The following PGK2 variants were observed in gnomAD, a reference collection of about 807,000 sequenced individuals.
The protein encoded by PGK2 is epididymis secretory protein Li 272.
PGK2 carries 5 observed loss-of-function variants against 5.2 expected under a neutral mutation model. The ratio of observed to expected loss-of-function variants is 0.96; its 90% CI spans 0.50 to 2.01. The LOEUF is 2.01. Among genes scored for constraint, PGK2 ranks in the 30% most tolerant of loss-of-function variants. The probability of loss-of-function intolerance (pLI) is 0.01; values close to 1 mark genes in which losing one functional copy is unlikely to be tolerated. For synonymous variants in PGK2, 210 were observed against 182.6 expected (o/e 1.15, Z -1.21); for missense variants, 588 against 506.8 (o/e 1.16, Z -1.54).
Position 49,785,893 on chromosome 6 carries a change from G to A in PGK2, c.*41C>T. The A allele has an allele frequency of 6.6e-7, 1 of 1,523,402 alleles. No homozygotes were observed. Among genetic ancestry groups the A allele is most frequent in the South Asian group, 1.2e-5 (1 of 86,294 alleles). 94.4% of individuals were successfully genotyped at this position (1,523,402 alleles called of 1,614,324 possible). On this transcript the variant is annotated 3_prime_UTR_variant, in exon 1 of 1. Coordinates refer to ENST00000304801, the MANE Select transcript of PGK2 (RefSeq NM_138733.5). ...ATGTAAAAGCATTAAGCTGACTTAA[G>A]GGCCATGGACAGAAAACAGAAGGAA...
rs572935257 is a variant in PGK2 at position 49,786,884 on chromosome 6, C to T, written c.304G>A (p.Ala102Thr). ...DVLFLKDCVG[A>T]EVEKACANPA... ...TTGGCACAGGCTTTCTCCACTTCTG[C>T]GCCTACACAGTCCTTCAGGAACAGA... The change falls in exon 1 of 1, where the codon GCA becomes ACA. Residue 102 changes from alanine (A) to threonine (T), a missense_variant. Ala to Thr is a moderately conservative substitution (Grantham distance 58). Transcript: ENST00000304801. 5.1e-5 allele frequency: 83 copies of T among 1,614,048 alleles called. No homozygotes were observed. Among genetic ancestry groups the T allele is most frequent in the East Asian group, 2.5e-4 (11 of 44,862 alleles).
chr6:49,786,074 C>A lies in PGK2; in HGVS notation c.1114G>T (p.Gly372Trp), dbSNP rs761327233. The A allele has an allele frequency of 6.2e-7, 1 of 1,614,128 alleles. No homozygotes were observed. The highest frequency in any genetic ancestry group is 8.5e-7 in the Non-Finnish European group (1 of 1,179,980). Residue 372 changes from glycine (G) to tryptophan (W), a missense_variant, in exon 1 of 1, where the codon GGG becomes TGG. Coordinates refer to ENST00000304801, the MANE Select transcript of PGK2 (RefSeq NM_138733.5). ...ATSKGCITVI[G>W]GGDTATCCAK... The stretch of plus-strand genomic sequence containing the variant: ...CAGCAAGTAGCAGTGTCTCCACCCC[C>A]TATAACAGTGATGCAGCCCTTGGAA...
Position 49,786,965 on chromosome 6 carries a change from T to C in PGK2, c.223A>G (p.Lys75Glu). Residue 75 changes from lysine to glutamate, a missense_variant, in exon 1 of 1, where the codon AAA becomes GAA. Transcript: ENST00000304801. ...GRPDGVPMPDKYSLAPVAVEL... is the reference protein window; with the variant it reads ...GRPDGVPMPDEYSLAPVAVEL... ...ACAGCAACAGGTGCTAAGGAATATT[T>C]GTCAGGCATGGGAACACCATCAGGC... The C allele has an allele frequency of 1.2e-6, 2 of 1,614,110 alleles. No individual in the cohort carries two copies. The highest frequency in any genetic ancestry group is 1.1e-5 in the South Asian group (1 of 91,076).
At position 49,786,824 on chromosome 6, in the gene PGK2, G is replaced by A. The variant is rs1006173253; in HGVS notation, c.364C>T (p.Leu122=). The A allele has an allele frequency of 6.2e-7, 1 of 1,614,130 alleles. No individual in the cohort carries two copies. The change falls in exon 1 of 1, where the codon CTG becomes TTG. Residue 122 remains leucine, a synonymous_variant. Coordinates refer to ENST00000304801, the MANE Select transcript of PGK2 (RefSeq NM_138733.5). Reference sequence around the variant, plus strand: ...CCTTCTTCCTCCACATGAAAGCGCAGGTTCTCCAGCAGGATGACTGAACCA... The same window carrying A: ...CCTTCTTCCTCCACATGAAAGCGCAAGTTCTCCAGCAGGATGACTGAACCA... ...APGSVILLEN[L]RFHVEEEGKG... is the part of the protein sequence containing the mutation.
Position 49,785,911 on chromosome 6 carries a change from A to G in PGK2, c.*23T>C, listed in dbSNP as rs1769896301. The G allele has an allele frequency of 6.3e-7, 1 of 1,596,234 alleles. No individual in the cohort carries two copies. The highest frequency in any genetic ancestry group is 8.6e-7 in the Non-Finnish European group (1 of 1,166,810). The stretch of plus-strand genomic sequence containing the variant: ...GACTTAAGGGCCATGGACAGAAAAC[A>G]GAAGGAAGTAACACTATATTAACTA... On this transcript the variant is annotated 3_prime_UTR_variant, in exon 1 of 1. Coordinates refer to ENST00000304801, the MANE Select transcript of PGK2 (RefSeq NM_138733.5).
At position 49,786,329 on chromosome 6, in the gene PGK2, C is replaced by G; in HGVS notation, c.859G>C (p.Val287Leu). 1 of 1,614,144 alleles carries G rather than the reference C, an allele frequency of 6.2e-7. No homozygotes were observed. The change falls in exon 1 of 1, where the codon GTT becomes CTT. Residue 287 changes from valine (V) to leucine (L), a missense_variant. Physicochemically the swap from Val to Leu is conservative, Grantham distance 32. Coordinates refer to ENST00000304801, the MANE Select transcript of PGK2 (RefSeq NM_138733.5). Reference protein sequence around the residue: ...GVRITFPVDFVTGDKFDENAQ... With the variant: ...GVRITFPVDFLTGDKFDENAQ... ...TTCTCGTCAAACTTGTCCCCAGTAACAAAATCAACAGGAAAAGTAATCCTT... is the reference window on the plus strand; with the variant it reads ...TTCTCGTCAAACTTGTCCCCAGTAAGAAAATCAACAGGAAAAGTAATCCTT...
At position 49,786,154 on chromosome 6, in the gene PGK2, C is replaced by T. The variant is rs1339849998; in HGVS notation, c.1034G>A (p.Trp345Ter). The T allele has an allele frequency of 3.7e-6, 6 of 1,613,908 alleles. No individual in the cohort carries two copies. The highest frequency in any genetic ancestry group is 5.1e-6 in the Non-Finnish European group (6 of 1,180,000). ...VWNGPLGVFE[W>*]DAFAKGTKAL... ...TTTGGTTCCCTTAGCAAAGGCATCCCATTCAAATACTCCTAACGGCCCATT... is the reference window on the plus strand; with the variant it reads ...TTTGGTTCCCTTAGCAAAGGCATCCTATTCAAATACTCCTAACGGCCCATT... Residue 345 changes from tryptophan (W) to a stop codon, truncating the protein, a stop_gained, in exon 1 of 1, where the codon TGG (tryptophan) becomes TAG (stop). Coordinates refer to ENST00000304801, the MANE Select transcript of PGK2 (RefSeq NM_138733.5). LOFTEE classifies it high-confidence loss of function.
chr6:49,787,265 G>C lies in PGK2; in HGVS notation c.-78C>G. 1 of 1,064,324 alleles carries C rather than the reference G, an allele frequency of 9.4e-7. No individual in the cohort carries two copies. Among genetic ancestry groups the C allele is most frequent in the South Asian group, 1.4e-5 (1 of 69,236 alleles). 65.9% of individuals were successfully genotyped at this position (1,064,324 alleles called of 1,614,324 possible). On this transcript the variant is annotated 5_prime_UTR_variant, in exon 1 of 1. Coordinates refer to ENST00000304801, the MANE Select transcript of PGK2 (RefSeq NM_138733.5). ...AACTTGCTGTTGAGGGGCTGGGTCG[G>C]TGGTGACTTCTAACGCCTTTGCCCT...
chr6:49,786,626 A>G lies in PGK2; in HGVS notation c.562T>C (p.Phe188Leu), dbSNP rs1430564238. The G allele has an allele frequency of 6.2e-7, 1 of 1,614,084 alleles. No individual in the cohort carries two copies. The highest frequency in any genetic ancestry group is 1.7e-5 in the Admixed American group (1 of 59,998). ...GVNLPHKASG[F>L]LMKKELDYFA... Reference sequence around the variant, plus strand: ...TAATCTAGTTCCTTCTTCATCAAGAATCCGGATGCTTTATGGGGCAGATTC... The same window carrying G: ...TAATCTAGTTCCTTCTTCATCAAGAGTCCGGATGCTTTATGGGGCAGATTC... The change falls in exon 1 of 1, where the codon TTC (phenylalanine) becomes CTC (leucine). Residue 188 changes from phenylalanine to leucine, a missense_variant. Physicochemically the swap from Phe to Leu is conservative, Grantham distance 22 (BLOSUM62 0). Coordinates refer to ENST00000304801, the MANE Select transcript of PGK2 (RefSeq NM_138733.5).
chr6:49,786,243 G>T lies in PGK2; in HGVS notation c.945C>A (p.Asp315Glu), dbSNP rs1245589169. 1 of 1,614,174 alleles carries T rather than the reference G, an allele frequency of 6.2e-7. No individual in the cohort carries two copies. The highest frequency in any genetic ancestry group is 2.2e-5 in the East Asian group (1 of 44,880). The stretch of plus-strand genomic sequence containing the variant: ...GATTCTTGTTGCTCTCAGGACCACA[G>T]TCCAAACCCATCCAGCCAGGAGATA... ...SGISPGWMGLDCGPESNKNHA... is the reference protein window; with the variant it reads ...SGISPGWMGLECGPESNKNHA... The change falls in exon 1 of 1, where the codon GAC becomes GAA. Residue 315 changes from aspartate to glutamate, a missense_variant. Asp to Glu is a conservative substitution (Grantham distance 45). Transcript: ENST00000304801.
Position 49,786,137 on chromosome 6 carries a change from C to A in PGK2, c.1051G>T (p.Gly351Ter), listed in dbSNP as rs778202087. Residue 351 changes from glycine (G) to a stop codon, truncating the protein, a stop_gained, in exon 1 of 1, where the codon GGA (glycine) becomes TGA (stop). Coordinates refer to ENST00000304801, the MANE Select transcript of PGK2 (RefSeq NM_138733.5). LOFTEE classifies it high-confidence loss of function. ...GVFEWDAFAK[G>*]TKALMDEIVK... is the part of the protein sequence containing the mutation. ...ATTTCATCCATGAGGGCTTTGGTTC[C>A]CTTAGCAAAGGCATCCCATTCAAAT... 1 of 1,614,046 alleles carries A rather than the reference C, an allele frequency of 6.2e-7. No individual in the cohort carries two copies. The highest frequency in any genetic ancestry group is 2.2e-5 in the East Asian group (1 of 44,862).
Position 49,786,354 on chromosome 6 carries a change from T to G in PGK2, c.834A>C (p.Val278=), listed in dbSNP as rs1769905977. The G allele has an allele frequency of 6.2e-7, 1 of 1,614,168 alleles. No individual in the cohort carries two copies. Among genetic ancestry groups the G allele is most frequent in the East Asian group, 2.2e-5 (1 of 44,874 alleles). ...CAAAATCAACAGGAAAAGTAATCCT[T>G]ACACCATTCTTTTGTGCTTTGGCCA... ...DIMAKAQKNG[V]RITFPVDFVT... The change falls in exon 1 of 1, where the codon GTA becomes GTC. Residue 278 remains valine (V), a synonymous_variant. Transcript: ENST00000304801.
chr6:49,786,818 A>T lies in PGK2; in HGVS notation c.370T>A (p.Phe124Ile), dbSNP rs759198462. Reference sequence around the variant, plus strand: ...CCCTTCCCTTCTTCCTCCACATGAAAGCGCAGGTTCTCCAGCAGGATGACT... The same window carrying T: ...CCCTTCCCTTCTTCCTCCACATGAATGCGCAGGTTCTCCAGCAGGATGACT... ...GSVILLENLRFHVEEEGKGQD... is the reference protein window; with the variant it reads ...GSVILLENLRIHVEEEGKGQD... The change falls in exon 1 of 1, where the codon TTT becomes ATT. Residue 124 changes from phenylalanine (F) to isoleucine (I), a missense_variant. By Grantham distance (21) the Phe-to-Ile change is conservative. Coordinates refer to ENST00000304801, the MANE Select transcript of PGK2 (RefSeq NM_138733.5). 35 of 1,613,988 alleles carry T rather than the reference A, an allele frequency of 2.2e-5. 1 individual carries two copies. The South Asian group carries it at 3.7e-4, about 17-fold the overall frequency.
rs1413479688 is a variant in PGK2 at position 49,786,569 on chromosome 6, G to T, written c.619C>A (p.Pro207Thr). Reference sequence around the variant, plus strand: ...GCTCCACCAAGTATAGCCAGAAAGGGTCTCACTGGGTTTTCCAAGGCTTTA... The same window carrying T: ...GCTCCACCAAGTATAGCCAGAAAGGTTCTCACTGGGTTTTCCAAGGCTTTA... ...FAKALENPVRPFLAILGGAKV... is the reference protein window; with the variant it reads ...FAKALENPVRTFLAILGGAKV... The change falls in exon 1 of 1, where the codon CCC becomes ACC. Residue 207 changes from proline to threonine, a missense_variant. By Grantham distance (38) the Pro-to-Thr change is conservative (BLOSUM62 -1). Transcript: ENST00000304801. 1.9e-6 allele frequency: 3 copies of T among 1,614,074 alleles called. No homozygotes were observed. Among genetic ancestry groups the T allele is most frequent in the African/African-American group, 1.3e-5 (1 of 75,022 alleles).
chr6:49,785,987 C>G lies in PGK2; in HGVS notation c.1201G>C (p.Glu401Gln). ...HVSTGGGASL[E>Q]LLEGKILPGV... ...GGAAGGATTTTACCTTCCAGAAGCT[C>G]TAGACTGGCACCGCCTCCAGTGCTG... Residue 401 changes from glutamate to glutamine, a missense_variant, in exon 1 of 1, where the codon GAG becomes CAG. Transcript: ENST00000304801. 6.2e-7 allele frequency: 1 copy of G among 1,614,116 alleles called. No homozygotes were observed.
chr6:49,786,646 A>C lies in PGK2; in HGVS notation c.542T>G (p.Leu181Arg). 1 of 1,614,150 alleles carries C rather than the reference A, an allele frequency of 6.2e-7. No individual in the cohort carries two copies. The highest frequency in any genetic ancestry group is 8.5e-7 in the Non-Finnish European group (1 of 1,180,024). Residue 181 changes from leucine (L) to arginine (R), a missense_variant, in exon 1 of 1, where the codon CTG (leucine) becomes CGG (arginine). Physicochemically the swap from Leu to Arg is moderately radical, Grantham distance 102. Transcript: ENST00000304801. ...RAHSSMVGVN[L>R]PHKASGFLMK... The stretch of plus-strand genomic sequence containing the variant: ...CAAGAATCCGGATGCTTTATGGGGC[A>C]GATTCACTCCCACCATGGAACTATG...
chr6:49,786,074 C>T lies in PGK2; in HGVS notation c.1114G>A (p.Gly372Arg). The change falls in exon 1 of 1, where the codon GGG (glycine) becomes AGG (arginine). Residue 372 changes from glycine (G) to arginine (R), a missense_variant. Transcript: ENST00000304801. ...CAGCAAGTAGCAGTGTCTCCACCCCCTATAACAGTGATGCAGCCCTTGGAA... is the reference window on the plus strand; with the variant it reads ...CAGCAAGTAGCAGTGTCTCCACCCCTTATAACAGTGATGCAGCCCTTGGAA... ...ATSKGCITVI[G>R]GGDTATCCAK... is the part of the protein sequence containing the mutation. 7 of 1,614,128 alleles carry T rather than the reference C, an allele frequency of 4.3e-6. No individual in the cohort carries two copies. Among genetic ancestry groups the T allele is most frequent in the Non-Finnish European group, 5.9e-6 (7 of 1,179,980 alleles).
At position 49,786,915 on chromosome 6, in the gene PGK2, C is replaced by T. The variant is rs1289064683; in HGVS notation, c.273G>A (p.Lys91=). 21 of 1,614,056 alleles carry T rather than the reference C, an allele frequency of 1.3e-5. No homozygotes were observed. The highest frequency in any genetic ancestry group is 1.7e-4 in the Middle Eastern group (1 of 6,060). The change falls in exon 1 of 1, where the codon AAG becomes AAA. Residue 91 remains lysine (K), a synonymous_variant. Coordinates refer to ENST00000304801, the MANE Select transcript of PGK2 (RefSeq NM_138733.5). ...CACAGTCCTTCAGGAACAGAACATC[C>T]TTGCCCAGCAAGGATTTGAGCTCAA... is the stretch of plus-strand genomic sequence containing the variant. ...VAVELKSLLG[K]DVLFLKDCVG...
At position 49,786,881 on chromosome 6, in the gene PGK2, C is replaced by A. The variant is rs770143471; in HGVS notation, c.307G>T (p.Glu103Ter). ...VLFLKDCVGAEVEKACANPAP... is the reference protein window; with the variant it reads ...VLFLKDCVGA Reference sequence around the variant, plus strand: ...GGGTTGGCACAGGCTTTCTCCACTTCTGCGCCTACACAGTCCTTCAGGAAC... The same window carrying A: ...GGGTTGGCACAGGCTTTCTCCACTTATGCGCCTACACAGTCCTTCAGGAAC... Residue 103 changes from glutamate to a stop codon, truncating the protein, a stop_gained, in exon 1 of 1, where the codon GAA becomes TAA. Coordinates refer to ENST00000304801, the MANE Select transcript of PGK2 (RefSeq NM_138733.5). LOFTEE classifies it low-confidence loss of function (END_TRUNC). The A allele has an allele frequency of 4.3e-6, 7 of 1,614,156 alleles. No individual in the cohort carries two copies. Among genetic ancestry groups the A allele is most frequent in the South Asian group, 1.1e-5 (1 of 91,078 alleles).
Sources: gnomAD v4.1 joint callset for allele counts on GRCh38, gnomAD v4.1.1 for gene constraint, MANE v1.5 for transcripts, NCBI Gene and HGNC (gene_info 2026-07-23, HGNC 2026-07-21) for gene names.